The following TOGARAM1 variants were observed in gnomAD, a reference collection of about 807,000 sequenced individuals.
TOGARAM1 encodes the protein TOG array regulator of axonemal microtubules 1.
TOGARAM1 carries 100 observed loss-of-function variants against 166.6 expected under a neutral mutation model. The ratio of observed to expected loss-of-function variants is 0.60; its 90% CI spans 0.51 to 0.71. TOGARAM1 has a LOEUF of 0.71. Among genes scored for constraint, TOGARAM1 ranks in the 30% least tolerant of loss-of-function variants. The probability of loss-of-function intolerance (pLI) is 0.00; values close to 1 mark genes in which losing one functional copy is unlikely to be tolerated. For synonymous variants in TOGARAM1, 758 were observed against 763.8 expected, an observed-to-expected ratio of 0.99 and a Z score of 0.13; for missense variants, 2,029 against 2,102.7, an observed-to-expected ratio of 0.96 and a Z score of 0.69.
At position 44,962,355 on chromosome 14, in the gene TOGARAM1, T is replaced by A. The variant is rs920357118; in HGVS notation, c.-67T>A. 110 of 1,479,958 alleles carry A rather than the reference T, an allele frequency of 7.4e-5. No homozygotes were observed. In the East Asian group the frequency reaches 1.9e-3, roughly 25 times the overall value. The allele number at this position is 1,479,958 out of a possible 1,614,324, so 91.7% of individuals were successfully genotyped here. A position where few individuals can be genotyped will look rare whatever the true frequency, so the allele number is the denominator to read the frequency against. Reference sequence around the variant, plus strand: ...GGGGCTTGGAGAGGATCTGGAAGTCTGGGCTCCATCGAGCCCTTTGGAGAC... The same window carrying A: ...GGGGCTTGGAGAGGATCTGGAAGTCAGGGCTCCATCGAGCCCTTTGGAGAC... On this transcript the variant is annotated 5_prime_UTR_variant, in exon 1 of 20. Transcript: ENST00000361462.
At chr14:45,045,613 GTGTGTA>G (rs199946303) in intron 13 of TOGARAM1, among the ~76,000 whole-genome samples, 14,740 of 73,864 alleles carry the variant, frequency 0.2, 2,011 homozygotes, top group East Asian at 0.43. Flanking sequence ...GTGTGTGTGT[GTGTGTA>G]TATATATGTA....
chr14:44,977,921 A>AT (rs1487453989), intron 1 of TOGARAM1, among the ~76,000 whole-genome samples: 1 of 152,192 alleles, frequency 6.6e-6, no homozygotes. Flanking sequence ...AAGTGCTGGG[A>AT]TTACAGGCAT....
intron 16 of TOGARAM1, among the ~76,000 whole-genome samples, chr14:45,057,745 G>T (rs533215973): frequency 2.0e-5 from 3 of 152,150 alleles, no homozygotes; most frequent in African/African-American, 7.2e-5. Flanking sequence ...TATTTGTATA[G>T]TTCCTAAATT....
At chr14:45,054,045 G>A (rs1426896737) in intron 15 of TOGARAM1, among the ~76,000 whole-genome samples, 1 of 151,796 alleles carries the variant, frequency 6.6e-6, no homozygotes, top group Non-Finnish European at 1.5e-5. Flanking sequence ...TAGTTTTTGT[G>A]CTTTTAGTTG....
chr14:45,073,139 G>A (rs903762801), intron 19 of TOGARAM1, among the ~76,000 whole-genome samples, 157 bp from the exon 20 acceptor site: 1 of 152,194 alleles, frequency 6.6e-6, no homozygotes, highest in Admixed American at 6.5e-5. Flanking sequence ...CAATCTTTGA[G>A]AGAAAGGTTT....
intron 1 of TOGARAM1, among the ~76,000 whole-genome samples, chr14:44,991,910 A>G (rs1887155224): frequency 6.6e-6 from 1 of 151,616 alleles, no homozygotes; most frequent in African/African-American, 2.4e-5. Context: ...GGTATTTTTT[A>G]TATTTTTTAC....
At chr14:44,990,896 A>G (rs1033281406) in intron 1 of TOGARAM1, among the ~76,000 whole-genome samples, 1 of 134,428 alleles carries the variant, frequency 7.4e-6, no homozygotes, top group Non-Finnish European at 1.6e-5. Flanking sequence ...TGACCCTCCC[A>G]CCTCAGCCTC....
chr14:44,985,842 T>A (rs1379090121), intron 1 of TOGARAM1, among the ~76,000 whole-genome samples: 2 of 152,216 alleles, frequency 1.3e-5, no homozygotes, highest in East Asian at 3.8e-4. Flanking sequence ...AGTTTGATGA[T>A]CAGTGATTTG....
intron 6 of TOGARAM1, 97 bp downstream of exon 6, chr14:45,009,242 T>C: frequency 1.1e-6 from 1 of 895,306 alleles, no homozygotes; most frequent in Non-Finnish European, 1.7e-6. Flanking sequence ...CCATTTATGT[T>C]TTAGTTTTTA....
chr14:45,044,651 C>T lies in TOGARAM1; in HGVS notation c.3935C>T (p.Ser1312Phe). The change falls in exon 13 of 20, where the codon TCT becomes TTT. Residue 1312 changes from serine to phenylalanine, a missense_variant. By Grantham distance (155) the Ser-to-Phe change is radical. Around this residue, in one of 2 missense-constraint regions of TOGARAM1, gnomAD observed 576 missense variants for 670.5 expected, o/e 0.86. Coordinates refer to ENST00000361462, the MANE Select transcript of TOGARAM1 (RefSeq NM_001308120.2). ...AVVQEVKNLR[S>F]GVSRAAVVCL... The stretch of plus-strand genomic sequence containing the variant: ...TTTTTTTAGGTGAAAAATTTACGTT[C>T]TGGAGTTTCTCGTGCTGCTGTGGTC... The T allele has an allele frequency of 6.3e-7, 1 of 1,591,702 alleles. No homozygotes were observed. The highest frequency in any genetic ancestry group is 8.5e-7 in the Non-Finnish European group (1 of 1,170,784).
rs760128686 is a variant in TOGARAM1, at chr14:44,963,795, C to T, written c.1374C>T (p.Ile458=). The change falls in exon 1 of 20, where the codon ATC becomes ATT. Residue 458 remains isoleucine, a synonymous_variant. Transcript: ENST00000361462. ...KLVIKQEYMK[I]FLKLMKEVGP... Reference sequence around the variant, plus strand: ...TGATCAAACAAGAATACATGAAAATCTTCCTCAAGCTAATGAAGGAAGTAG... The same window carrying T: ...TGATCAAACAAGAATACATGAAAATTTTCCTCAAGCTAATGAAGGAAGTAG... 1.1e-5 allele frequency: 17 copies of T among 1,613,922 alleles called. No homozygotes were observed. The highest frequency in any genetic ancestry group is 1.7e-5 in the Admixed American group (1 of 59,994).
intron 17 of TOGARAM1, among the ~76,000 whole-genome samples, chr14:45,067,750 A>G (rs1279446079): frequency 6.6e-6 from 1 of 152,150 alleles, no homozygotes; most frequent in Non-Finnish European, 1.5e-5. Flanking sequence ...TATTCTTAAC[A>G]TGAAAAATAA....
intron 2 of TOGARAM1, among the ~76,000 whole-genome samples, chr14:44,998,180 A>G (rs1316359662): frequency 6.6e-6 from 1 of 152,224 alleles, no homozygotes; most frequent in Non-Finnish European, 1.5e-5. Flanking sequence ...GAGAAGGAGA[A>G]ATGCAAGAAT....
chr14:44,964,400 C>T lies in TOGARAM1; in HGVS notation c.1979C>T (p.Pro660Leu), dbSNP rs1441576414. ...LSAGKGKNKL[P>L]WENEQPGIMG... Reference sequence around the variant, plus strand: ...GCAGGAAAAGGAAAAAATAAATTACCATGGGAAAATGAGCAACCTGGAATC... The same window carrying T: ...GCAGGAAAAGGAAAAAATAAATTACTATGGGAAAATGAGCAACCTGGAATC... The change falls in exon 1 of 20, where the codon CCA becomes CTA. Residue 660 changes from proline to leucine, a missense_variant. By Grantham distance (98) the Pro-to-Leu change is moderately conservative. Around this residue, in one of 2 missense-constraint regions of TOGARAM1, gnomAD observed 1,453 missense variants for 1,432.2 expected, o/e 1.01. Coordinates refer to ENST00000361462, the MANE Select transcript of TOGARAM1 (RefSeq NM_001308120.2). 1 of 1,612,568 alleles carries T rather than the reference C, an allele frequency of 6.2e-7. No individual in the cohort carries two copies. The highest frequency in any genetic ancestry group is 8.5e-7 in the Non-Finnish European group (1 of 1,179,272).
chr14:45,063,839 G>C (rs965366051), intron 16 of TOGARAM1, among the ~76,000 whole-genome samples: 1 of 151,882 alleles, frequency 6.6e-6, no homozygotes, highest in Non-Finnish European at 1.5e-5. Flanking sequence ...TTTTCAATTC[G>C]GCCTTGACCT....
chr14:44,985,407 T>G (rs1886742427), intron 1 of TOGARAM1, among the ~76,000 whole-genome samples: 1 of 152,166 alleles, frequency 6.6e-6, no homozygotes, highest in Non-Finnish European at 1.5e-5. Flanking sequence ...CCAATCCTTT[T>G]GGAATCAGGG....
intron 1 of TOGARAM1, among the ~76,000 whole-genome samples, chr14:44,989,564 T>C (rs1887022051): frequency 6.6e-6 from 1 of 150,950 alleles, no homozygotes; most frequent in Non-Finnish European, 1.5e-5. Flanking sequence ...AAAAAAAAAC[T>C]GTATTAGTCC....
At chr14:45,014,899 T>C (rs1280612088) in intron 7 of TOGARAM1, among the ~76,000 whole-genome samples, 1 of 152,230 alleles carries the variant, frequency 6.6e-6, no homozygotes, top group East Asian at 1.9e-4. Flanking sequence ...TTGAAACTTT[T>C]CTCTGTGAAC....
At chr14:45,009,755 C>T (rs928037774) in intron 6 of TOGARAM1, among the ~76,000 whole-genome samples, 4 of 152,168 alleles carry the variant, frequency 2.6e-5, no homozygotes, top group South Asian at 2.1e-4. Flanking sequence ...GTAACCTCTA[C>T]GTCTTAAACC....
Sources: gnomAD v4.1 joint callset for allele counts (sites outside exome capture counted in the v4.1 genomes callset) on GRCh38, gnomAD v4.1.1 for gene constraint, gnomAD v4.1.1 regional missense constraint, MANE v1.5 for transcripts, NCBI Gene and HGNC (gene_info 2026-07-23, HGNC 2026-07-21) for gene names.